Variants in HAVCR2 observed in about 807,000 individuals in gnomAD.
The protein encoded by HAVCR2 is hepatitis A virus cellular receptor 2, also known as T cell immunoglobulin mucin 3.
In HAVCR2, 13 loss-of-function variants were observed where a neutral mutation model predicts 24.7. The observed-to-expected ratio is 0.53, with a 90% CI of 0.34 to 0.84. The LOEUF (loss-of-function observed/expected upper bound fraction) is 0.84. HAVCR2 is among the 40% of genes least tolerant of loss of function. HAVCR2 has a pLI of 0.01. For missense variants in HAVCR2, 343 were observed against 371.2 expected (o/e 0.92, Z 0.62); for synonymous variants, 154 against 143.4 (o/e 1.07, Z -0.53).
chr5:157,092,908 A>AC, intron 5 of HAVCR2, among the ~76,000 whole-genome samples: 2 of 125,668 alleles, frequency 1.6e-5, no homozygotes, highest in African/African-American at 6.2e-5. Context: ...AAAAAAAAAA[A>AC]AAAAAAAAAA....
At chr5:157,108,889 C>G (rs1757288966) in intron 1 of HAVCR2, 37 bp downstream of exon 1, 15 of 1,601,022 alleles carry the variant, frequency 9.4e-6, no homozygotes, top group Non-Finnish European at 1.3e-5. Flanking sequence ...CTGTACAGCA[C>G]CATTATGTCA....
intron 3 of HAVCR2, 97 bp from the exon 4 acceptor site, chr5:157,098,998 T>C: frequency 9.5e-7 from 1 of 1,050,176 alleles, no homozygotes; most frequent in Non-Finnish European, 1.4e-6. Flanking sequence ...ATCTTAATGA[T>C]GCCTATAATC....
At chr5:157,093,891 G>A (rs1045599396) in intron 5 of HAVCR2, among the ~76,000 whole-genome samples, 9 of 152,164 alleles carry the variant, frequency 5.9e-5, no homozygotes, top group African/African-American at 2.2e-4. Context: ...GTTACAGTGA[G>A]CTGAGATCGT....
intron 5 of HAVCR2, among the ~76,000 whole-genome samples, chr5:157,092,596 G>T (rs1272092947): frequency 6.6e-6 from 1 of 151,798 alleles, no homozygotes; most frequent in East Asian, 1.9e-4. Context: ...ATAGGCATGT[G>T]CCCCCATGCC....
In HAVCR2 at chr5:157,106,611, G is replaced by A. The variant is rs1477964847; in HGVS notation, c.394+16C>T. 6.3e-7 allele frequency: 1 copy of A among 1,587,402 alleles called. No individual in the cohort carries two copies. Among genetic ancestry groups the A allele is most frequent in the East Asian group, 2.2e-5 (1 of 44,726 alleles). On this transcript the variant is annotated intron_variant, in intron 2 of 6. Coordinates refer to ENST00000307851, the MANE Select transcript of HAVCR2 (RefSeq NM_032782.5). ...TAAATCTTATTCATAAAGATGGCAT[G>A]CAAATGTCCACTCACCTGGTTTGAT...
At chr5:157,093,910 A>G (rs1757051113) in intron 5 of HAVCR2, among the ~76,000 whole-genome samples, 1 of 151,996 alleles carries the variant, frequency 6.6e-6, no homozygotes, top group Non-Finnish European at 1.5e-5. Flanking sequence ...GTGCCACTGC[A>G]CTCCAGCGTC....
rs138186045 is a variant in HAVCR2, at chr5:157,095,051, G to GGGAT, written c.676+251_676+254dup. Among the ~76,000 whole-genome samples the GGGAT allele has an allele frequency of 2.6e-4, 40 of 152,230 alleles. No individual in the cohort carries two copies. In the East Asian group the frequency reaches 7.7e-3, roughly 29 times the overall value. On this transcript the variant is annotated intron_variant, in intron 5 of 6. Transcript: ENST00000307851. ...CTTGACTTCCCTTCACTGTAAAATG[G>GGGAT]GGATGGTACTATTCCTTATCTCATA...
intron 2 of HAVCR2, chr5:157,105,980 G>C (rs1757242092): frequency 6.6e-6 from 1 of 152,150 alleles, no homozygotes; most frequent in African/African-American, 2.4e-5. Flanking sequence ...TCAAAGTATT[G>C]GGATTATAGG....
intron 2 of HAVCR2, among the ~76,000 whole-genome samples, chr5:157,105,806 T>G (rs1757239034): frequency 6.6e-6 from 1 of 152,216 alleles, no homozygotes; most frequent in South Asian, 2.1e-4. Context: ...AGGTAGACTC[T>G]GTAAAAAGCT....
intron 1 of HAVCR2, 24 bp from the exon 2 acceptor site, chr5:157,106,986 C>G: frequency 6.3e-7 from 1 of 1,577,706 alleles, no homozygotes; most frequent in Non-Finnish European, 8.6e-7. Flanking sequence ...GAAGGAGAGC[C>G]AAGACTCAAG....
At chr5:157,099,885 G>C (rs1298799049) in intron 3 of HAVCR2, among the ~76,000 whole-genome samples, 1 of 152,056 alleles carries the variant, frequency 6.6e-6, no homozygotes, top group Non-Finnish European at 1.5e-5. Flanking sequence ...TAGTAGAGAC[G>C]GGGTTTCGCC....
At chr5:157,107,868 C>A (rs539709777) in intron 1 of HAVCR2, among the ~76,000 whole-genome samples, 168 of 149,780 alleles carry the variant, frequency 1.1e-3, no homozygotes, top group African/African-American at 3.7e-3. Flanking sequence ...TGCCCCCCCC[C>A]CTTTTTTATG....
chr5:157,108,476 G>C (rs1191010580), intron 1 of HAVCR2, among the ~76,000 whole-genome samples: 2 of 151,126 alleles, frequency 1.3e-5, no homozygotes, highest in African/African-American at 2.4e-5. Context: ...AATAGAGTGA[G>C]ACTCCATCTC....
chr5:157,102,951 G>A (rs1581761944), intron 3 of HAVCR2, among the ~76,000 whole-genome samples: 3 of 114,628 alleles, frequency 2.6e-5, no homozygotes, highest in African/African-American at 3.3e-5. Flanking sequence ...AAAAAAAAAG[G>A]AAAGAAAAAC....
chr5:157,087,140 G>T lies in HAVCR2; in HGVS notation c.868C>A (p.Pro290Thr). ...AAGCGACAACCCAAAGGTTGTGAGG[G>T]TTGCTGCCTGCTGCTGACATAGCAA... is the stretch of plus-strand genomic sequence containing the variant. ...YYCYVSSRQQ[P>T]SQPLGCRFAM... The change falls in exon 7 of 7, where the codon CCC (proline) becomes ACC (threonine). Residue 290 changes from proline to threonine, a missense_variant. Physicochemically the swap from Pro to Thr is conservative, Grantham distance 38 (BLOSUM62 -1). Coordinates refer to ENST00000307851, the MANE Select transcript of HAVCR2 (RefSeq NM_032782.5). 6.2e-7 allele frequency: 1 copy of T among 1,614,002 alleles called. No homozygotes were observed. Among genetic ancestry groups the T allele is most frequent in the Non-Finnish European group, 8.5e-7 (1 of 1,179,978 alleles).
chr5:157,088,893 G>T, intron 6 of HAVCR2, 48 bp downstream of exon 6: 3 of 1,486,114 alleles, frequency 2.0e-6, no homozygotes, highest in Non-Finnish European at 2.8e-6. Context: ...TTAGAGTAGG[G>T]ACTTCCAAGA....
At chr5:157,087,748 AC>A (rs1756935045) in intron 6 of HAVCR2, among the ~76,000 whole-genome samples, 1 of 151,900 alleles carries the variant, frequency 6.6e-6, no homozygotes, top group African/African-American at 2.4e-5. Context: ...TACTAAACAT[AC>A]AAAAAATTAG....
chr5:157,088,841 A>T (rs1362247178), intron 6 of HAVCR2, 100 bp downstream of exon 6: 2 of 1,030,682 alleles, frequency 1.9e-6, no homozygotes, highest in Non-Finnish European at 3.0e-6. Flanking sequence ...CTCAGATCTC[A>T]AAGCCCCAGG....
intron 1 of HAVCR2, among the ~76,000 whole-genome samples, chr5:157,107,511 A>G (rs1263299630): frequency 6.6e-6 from 1 of 152,186 alleles, no homozygotes; most frequent in Non-Finnish European, 1.5e-5. Flanking sequence ...TGTGTATTTG[A>G]AACTACTCAT....
Sources: gnomAD v4.1 joint callset for allele counts (sites outside exome capture counted in the v4.1 genomes callset) on GRCh38, gnomAD v4.1.1 for gene constraint, MANE v1.5 for transcripts, NCBI Gene and HGNC (gene_info 2026-07-23, HGNC 2026-07-21) for gene names.